The following SYNE1 variants were observed in gnomAD, a reference collection of about 807,000 sequenced individuals.
SYNE1 encodes spectrin repeat containing nuclear envelope protein 1.
In SYNE1, 616 loss-of-function variants were observed where a neutral mutation model predicts 1,111.0. The observed-to-expected ratio is 0.55, with a 90% confidence interval of 0.52 to 0.59. SYNE1 has a LOEUF of 0.59. SYNE1 is among the 20% of genes least tolerant of loss of function. The probability of loss-of-function intolerance (pLI) is 0.00; values close to 1 mark genes in which losing one functional copy is unlikely to be tolerated. For missense variants in SYNE1, 10,006 were observed against 10,417.0 expected (o/e 0.96, Z 1.72); for synonymous variants, 3,855 against 3,825.8 (o/e 1.01, Z -0.28).
intron 117 of SYNE1, among the ~76,000 whole-genome samples, chr6:152,222,319 T>C (rs1238089147): frequency 6.6e-6 from 1 of 152,226 alleles, no homozygotes; most frequent in Non-Finnish European, 1.5e-5. Flanking sequence ...CTCTTGTTTC[T>C]AACAAAGCCA....
chr6:152,268,209 T>C, intron 99 of SYNE1, 44 bp from the exon 100 acceptor site: 7 of 1,470,460 alleles, frequency 4.8e-6, no homozygotes, highest in Non-Finnish European at 6.7e-6. Flanking sequence ...TGCTACTTTA[T>C]GATTATTGCC....
Position 152,463,409 on chromosome 6 carries a change from G to A in SYNE1, c.2041C>T (p.Gln681Ter), listed in dbSNP as rs761907072. 1 of 1,613,782 alleles carries A rather than the reference G, an allele frequency of 6.2e-7. No individual in the cohort carries two copies. ...CGCCCATTTAGCAACAGTAATTGCT[G>A]CTTCAGGTCACGGGAAACCATCTCA... Reference protein sequence around the residue: ...CDEMVSRDLKQQLLLLNGRWR... With the variant: ...CDEMVSRDLK The change falls in exon 19 of 146, where the codon CAG becomes TAG. Residue 681 changes from glutamine (Q) to a stop codon, truncating the protein, a stop_gained. Transcript: ENST00000367255. LOFTEE classifies it high-confidence loss of function.
chr6:152,373,207 C>T lies in SYNE1; in HGVS notation c.9337G>A (p.Glu3113Lys). 3.7e-6 allele frequency: 6 copies of T among 1,611,418 alleles called. No homozygotes were observed. The African/African-American group carries it at 5.3e-5, about 14-fold the overall frequency. The change falls in exon 59 of 146, where the codon GAA (glutamate) becomes AAA (lysine). Residue 3113 changes from glutamate (E) to lysine (K), a missense_variant. By Grantham distance (56) the Glu-to-Lys change is moderately conservative (BLOSUM62 1). Coordinates refer to ENST00000367255, the MANE Select transcript of SYNE1 (RefSeq NM_182961.4). ...AGCTTGTGCTGTCCATTTTCACTTT[C>T]TGACAAAAACTCCTATAAAAGAAAA... ...SLQKIQEFLS[E>K]SENGQHKLNM...
At chr6:152,267,259 C>A (rs1276566640) in intron 100 of SYNE1, among the ~76,000 whole-genome samples, 2 of 152,026 alleles carry the variant, frequency 1.3e-5, no homozygotes, top group South Asian at 4.1e-4. Context: ...AGGATACTAC[C>A]AAATTACAAC....
rs150079513 is a variant in SYNE1, at chr6:152,460,890, G to A, written c.2394+707C>T. Among the ~76,000 whole-genome samples the A allele has an allele frequency of 7.1e-3, 961 of 134,568 alleles. 18 individuals are homozygous for A. The highest frequency in any genetic ancestry group is 0.026 in the African/African-American group (923 of 35,730). The allele number at this position is 134,568 out of a possible 152,430, so 88.3% of individuals were successfully genotyped here. ...TGAAATGGCGCGATCTGGGCTCACT[G>A]CAACCTCTGCCTCCCGGGTTCAAGT... On this transcript the variant is annotated intron_variant, in intron 21 of 145. Coordinates refer to ENST00000367255, the MANE Select transcript of SYNE1 (RefSeq NM_182961.4).
chr6:152,455,699 A>C (rs1044427294), intron 23 of SYNE1, 109 bp from the exon 24 acceptor site: 6 of 1,470,910 alleles, frequency 4.1e-6, no homozygotes, highest in Non-Finnish European at 5.7e-6. Flanking sequence ...AAGACATTTC[A>C]TCATCATGGG....
chr6:152,211,186 A>C (rs778225051), intron 124 of SYNE1, among the ~76,000 whole-genome samples: 6 of 152,196 alleles, frequency 3.9e-5, no homozygotes, highest in African/African-American at 7.2e-5. Context: ...CAAACCGTTG[A>C]TAGGTCATTG....
Position 152,130,724 on chromosome 6 carries a change from T to C in SYNE1, c.26149A>G (p.Ser8717Gly), listed in dbSNP as rs774225591. 1 of 1,614,170 alleles carries C rather than the reference T, an allele frequency of 6.2e-7. No individual in the cohort carries two copies. The highest frequency in any genetic ancestry group is 8.5e-7 in the Non-Finnish European group (1 of 1,180,024). ...GAAACCAGGAGAAGGAGGTACCTGC[T>C]ATGTGGACTGCTGACAGAGGGTCCA... ...QPGPSVSSPH[S>G]RSTKGGSDSS... The change falls in exon 145 of 146, where the codon AGC becomes GGC. Residue 8717 changes from serine to glycine, a missense_variant. Coordinates refer to ENST00000367255, the MANE Select transcript of SYNE1 (RefSeq NM_182961.4).
At chr6:152,286,732 A>T (rs73623016) in intron 95 of SYNE1, among the ~76,000 whole-genome samples, 8,114 of 152,280 alleles carry the variant, frequency 0.053, 711 homozygotes, top group African/African-American at 0.19. Context: ...GCATATAGCA[A>T]ATAATCTGTT....
In SYNE1 at chr6:152,161,544, TGA is replaced by T. The variant is rs2062503213; in HGVS notation, c.23790+2617_23790+2618del. Reference sequence around the variant, plus strand: ...ATGAATGCAAAACCTCTCATTTCTGTGAGTTTGTTTGTTTTGTTTTGTTTACA... The same window carrying T: ...ATGAATGCAAAACCTCTCATTTCTGTGTTTGTTTGTTTTGTTTTGTTTACA... On this transcript the variant is annotated intron_variant, in intron 131 of 145. Coordinates refer to ENST00000367255, the MANE Select transcript of SYNE1 (RefSeq NM_182961.4). Among the ~76,000 whole-genome samples the T allele has an allele frequency of 2.6e-5, 4 of 152,156 alleles. No individual in the cohort carries two copies. The South Asian group carries it at 8.3e-4, about 32-fold the overall frequency.
At chr6:152,503,768 A>G (rs1359013136) in intron 9 of SYNE1, among the ~76,000 whole-genome samples, 1 of 152,228 alleles carries the variant, frequency 6.6e-6, no homozygotes, top group Admixed American at 6.5e-5. Context: ...CTCAAAGGTG[A>G]TGAGTCAAAC....
chr6:152,354,320 A>C (rs1381399960), intron 67 of SYNE1, among the ~76,000 whole-genome samples: 2 of 152,220 alleles, frequency 1.3e-5, no homozygotes, highest in Non-Finnish European at 2.9e-5. Context: ...CTAATTCTCA[A>C]GTACTATTTC....
At chr6:152,411,183 A>G (rs373336621) in intron 42 of SYNE1, among the ~76,000 whole-genome samples, 2 of 152,112 alleles carry the variant, frequency 1.3e-5, no homozygotes, top group African/African-American at 4.8e-5. Context: ...TTCTTTCTCC[A>G]CCGAACTTTC....
chr6:152,336,093 T>C (rs1190738142), intron 76 of SYNE1: 1 of 152,138 alleles, frequency 6.6e-6, no homozygotes, highest in East Asian at 1.9e-4. Context: ...AATATATAAC[T>C]AATGAATTGA....
chr6:152,148,009 C>T lies in SYNE1; in HGVS notation c.24976+36G>A. ...GGCAATATTAATTCCCTCTGACTTT[C>T]CTTTAAGCTGGCAAACTGGAGAGGC... is the stretch of plus-strand genomic sequence containing the variant. On this transcript the variant is annotated intron_variant, in intron 137 of 145. Transcript: ENST00000367255. The surrounding 1 kb of genome is among the most constrained non-coding windows in gnomAD (Gnocchi z 4.1). 6.3e-7 allele frequency: 1 copy of T among 1,577,330 alleles called. No homozygotes were observed. The highest frequency in any genetic ancestry group is 8.7e-7 in the Non-Finnish European group (1 of 1,149,328).
At chr6:152,364,495 G>A (rs533457854) in intron 63 of SYNE1, among the ~76,000 whole-genome samples, 16 of 149,404 alleles carry the variant, frequency 1.1e-4, no homozygotes, top group African/African-American at 3.7e-4. Flanking sequence ...ACAACAAAAA[G>A]AAACATGCAT....
At chr6:152,475,249 AC>A (rs2098828259) in intron 14 of SYNE1, among the ~76,000 whole-genome samples, 1 of 152,174 alleles carries the variant, frequency 6.6e-6, no homozygotes, top group Non-Finnish European at 1.5e-5. Context: ...TCACTCCTTG[AC>A]TCATGATGGG....
intron 127 of SYNE1, among the ~76,000 whole-genome samples, chr6:152,193,561 A>T (rs1459689674): frequency 6.6e-6 from 1 of 151,958 alleles, no homozygotes; most frequent in Non-Finnish European, 1.5e-5. Context: ...CAAGTGATCC[A>T]CCCACCTTGG....
At chr6:152,263,252 G>A (rs2092288965) in intron 100 of SYNE1, among the ~76,000 whole-genome samples, 1 of 151,976 alleles carries the variant, frequency 6.6e-6, no homozygotes, top group African/African-American at 2.4e-5. Flanking sequence ...GGTAGTACAG[G>A]ACACAGAGAG....
Sources: allele counts gnomAD v4.1 joint callset (sites outside exome capture counted in the v4.1 genomes callset), GRCh38; gene constraint gnomAD v4.1.1; non-coding constraint Gnocchi (gnomAD v3.1); transcripts MANE v1.5; gene names NCBI Gene and HGNC (gene_info 2026-07-23, HGNC 2026-07-21).